ATM: variants seen among roughly 807,000 people sequenced by gnomAD.
ATM encodes ATM serine/threonine kinase, also known as serine-protein kinase ATM.
In ATM, 308 loss-of-function variants were observed where a neutral mutation model predicts 387.0. That is an observed-to-expected ratio of 0.80 (90% confidence interval 0.73 to 0.87). The LOEUF (loss-of-function observed/expected upper bound fraction) is 0.87. Among genes scored for constraint, ATM ranks in the 40% least tolerant of loss-of-function variants. The pLI, the probability that ATM is intolerant of heterozygous loss-of-function variation, is 0.00. For synonymous variants in ATM, 1,156 were observed against 1,187.3 expected (o/e 0.97, Z 0.54); for missense variants, 3,312 against 3,560.9 (o/e 0.93, Z 1.78).
intron 25 of ATM, among the ~76,000 whole-genome samples, chr11:108,283,482 T>C (rs955983866): frequency 1.3e-5 from 2 of 152,258 alleles, no homozygotes; most frequent in African/African-American, 4.8e-5. Context: ...TTATGGACTT[T>C]GCTATGCATT....
intron 59 of ATM, among the ~76,000 whole-genome samples, chr11:108,347,959 ATT>A (rs2137106867): frequency 6.6e-6 from 1 of 152,342 alleles, no homozygotes; most frequent in East Asian, 1.9e-4. Context: ...AATGATGAAG[ATT>A]TATACTAAAG....
At chr11:108,351,093 A>C (rs1479696065) in intron 59 of ATM, among the ~76,000 whole-genome samples, 1 of 152,266 alleles carries the variant, frequency 6.6e-6, no homozygotes, top group Non-Finnish European at 1.5e-5. Context: ...ATGAATAATA[A>C]CACACAATAT....
chr11:108,324,663 C>CT (rs2085478059), intron 45 of ATM, among the ~76,000 whole-genome samples: 1 of 152,176 alleles, frequency 6.6e-6, no homozygotes, highest in African/African-American at 2.4e-5. Context: ...ACTTTGTCAT[C>CT]TTACTCTCCC....
chr11:108,261,280 G>C (rs903450129), intron 16 of ATM, among the ~76,000 whole-genome samples: 2 of 152,200 alleles, frequency 1.3e-5, no homozygotes, highest in Non-Finnish European at 2.9e-5. Context: ...CACACAGCTG[G>C]AGATCTGAGA....
At position 108,332,805 on chromosome 11, in the gene ATM, G is replaced by T. The variant is rs2086410630; in HGVS notation, c.7832G>T (p.Ser2611Ile). ...AANRIICTIRSRRPQMVRSVE... is the reference protein window; with the variant it reads ...AANRIICTIRIRRPQMVRSVE... ...AATAGAATAATATGTACTATCAGAAGTAGGAGACCTCAGATGGTCAGAAGT... is the reference window on the plus strand; with the variant it reads ...AATAGAATAATATGTACTATCAGAATTAGGAGACCTCAGATGGTCAGAAGT... Residue 2611 changes from serine to isoleucine, a missense_variant, in exon 53 of 63, where the codon AGT becomes ATT. Coordinates refer to ENST00000675843, the MANE Select transcript of ATM (RefSeq NM_000051.4). 2.5e-6 allele frequency: 4 copies of T among 1,613,316 alleles called. No homozygotes were observed. In the South Asian group the frequency reaches 3.3e-5, roughly 13 times the overall value.
chr11:108,289,906 G>C (rs1038237270), intron 29 of ATM, 105 bp downstream of exon 29: 2 of 1,142,374 alleles, frequency 1.8e-6, no homozygotes, highest in Non-Finnish European at 2.5e-6. Flanking sequence ...CACTCTGTCC[G>C]CCCAGGCTGG....
At chr11:108,250,669 G>A (rs2135314030) in intron 9 of ATM, 32 bp from the exon 10 acceptor site, 1 of 1,567,916 alleles carries the variant, frequency 6.4e-7, no homozygotes, top group Non-Finnish European at 8.6e-7. Context: ...TGATGGAATA[G>A]TTTTCAAATT....
In ATM at chr11:108,269,924, A is replaced by G. The variant is rs4987976; in HGVS notation, c.2839-1140A>G. Among the ~76,000 whole-genome samples the G allele has an allele frequency of 8.7e-3, 1,325 of 152,356 alleles. 22 individuals are homozygous for G. The highest frequency in any genetic ancestry group is 0.03 in the African/African-American group (1,250 of 41,572). ...CTATCCCTGACCAAGAGGAAGTTACATGCTTTTCTTGAAGTATTGATGTTT... is the reference window on the plus strand; with the variant it reads ...CTATCCCTGACCAAGAGGAAGTTACGTGCTTTTCTTGAAGTATTGATGTTT... On this transcript the variant is annotated intron_variant, in intron 18 of 62. Transcript: ENST00000675843.
At position 108,365,594 on chromosome 11, in the gene ATM, A is replaced by C; in HGVS notation, c.*86A>C. 6.9e-7 allele frequency: 1 copy of C among 1,456,356 alleles called. No homozygotes were observed. The allele number at this position is 1,456,356 out of a possible 1,614,324, so 90.2% of individuals were successfully genotyped here. On this transcript the variant is annotated 3_prime_UTR_variant, in exon 63 of 63. Coordinates refer to ENST00000675843, the MANE Select transcript of ATM (RefSeq NM_000051.4). ...TTTAACCTGCCAACATACTTTAAGT[A>C]GGGATTAATATTTAAGTGAACTATT... is the stretch of plus-strand genomic sequence containing the variant.
intron 61 of ATM, among the ~76,000 whole-genome samples, chr11:108,362,966 AAAAC>A (rs922186826): frequency 3.9e-5 from 6 of 152,118 alleles, no homozygotes; most frequent in East Asian, 3.9e-4. Flanking sequence ...AAAAACTAAA[AAAAC>A]AAACAACAAA....
chr11:108,353,307 C>T (rs1294508524), intron 59 of ATM, among the ~76,000 whole-genome samples: 1 of 152,078 alleles, frequency 6.6e-6, no homozygotes, highest in East Asian at 1.9e-4. Context: ...TGCTACCACA[C>T]CCAGCTAATT....
chr11:108,275,284 A>G (rs2081877728), intron 22 of ATM, among the ~76,000 whole-genome samples: 1 of 152,182 alleles, frequency 6.6e-6, no homozygotes, highest in Non-Finnish European at 1.5e-5. Flanking sequence ...CCCTGAATAC[A>G]GCACACTGAT....
chr11:108,335,405 T>C lies in ATM; in HGVS notation c.8151+296T>C, dbSNP rs1310158251. 5.4e-6 allele frequency: 4 copies of C among 739,238 alleles called. No homozygotes were observed. The Admixed American group carries it at 9.6e-5, about 18-fold the overall frequency. The allele number at this position is 739,238 out of a possible 1,614,324, so 45.8% of individuals were successfully genotyped here. A position where few individuals can be genotyped will look rare whatever the true frequency, so the allele number is the denominator to read the frequency against. Reference sequence around the variant, plus strand: ...GAAAAAAAATACTTTGGTGTCTGTCTCTTATTTCCTTGAATAGTGCAAGTT... The same window carrying C: ...GAAAAAAAATACTTTGGTGTCTGTCCCTTATTTCCTTGAATAGTGCAAGTT... On this transcript the variant is annotated intron_variant, in intron 55 of 62. Coordinates refer to ENST00000675843, the MANE Select transcript of ATM (RefSeq NM_000051.4).
intron 61 of ATM, among the ~76,000 whole-genome samples, chr11:108,363,342 TTTC>T (rs1207068325): frequency 2.0e-5 from 3 of 152,206 alleles, no homozygotes; most frequent in Admixed American, 1.3e-4. Flanking sequence ...GTATTTCCCT[TTTC>T]TTTTCAGTGT....
At position 108,304,762 on chromosome 11, in the gene ATM, C is replaced by T. The variant is rs149362482; in HGVS notation, c.5584C>T (p.Leu1862Phe). The change falls in exon 37 of 63, where the codon CTT becomes TTT. Residue 1862 changes from leucine to phenylalanine, a missense_variant. Around this residue, in one of 4 missense-constraint regions of ATM, gnomAD observed 1,405 missense variants for 1,604.4 expected, o/e 0.88. Transcript: ENST00000675843. ...TACAAATGAATCATGGAGAAATCTG[C>T]TTTCTACACATGTTCAGGGATTTTT... is the stretch of plus-strand genomic sequence containing the variant. ...QDTNESWRNLLSTHVQGFFTS... is the reference protein window; with the variant it reads ...QDTNESWRNLFSTHVQGFFTS... 1 of 1,613,988 alleles carries T rather than the reference C, an allele frequency of 6.2e-7. No homozygotes were observed. The highest frequency in any genetic ancestry group is 8.5e-7 in the Non-Finnish European group (1 of 1,179,962).
At chr11:108,313,092 A>C (rs1001631425) in intron 40 of ATM, among the ~76,000 whole-genome samples, 33 of 152,196 alleles carry the variant, frequency 2.2e-4, no homozygotes, top group African/African-American at 7.7e-4. Context: ...ACTCTCAAAC[A>C]TTGAAATCTC....
At chr11:108,248,614 C>T (rs199619610) in intron 8 of ATM, among the ~76,000 whole-genome samples, 1 of 152,052 alleles carries the variant, frequency 6.6e-6, no homozygotes, top group East Asian at 1.9e-4. Context: ...TTTGGCCAGG[C>T]GTGGTGGCTC....
At chr11:108,288,909 G>A (rs537836946) in intron 27 of ATM, 68 bp from the exon 28 acceptor site, 24 of 1,565,518 alleles carry the variant, frequency 1.5e-5, no homozygotes, top group Middle Eastern at 1.7e-4. Context: ...TTTCATTTTG[G>A]AAGTTCACTG....
rs730881276 is a variant in ATM, at chr11:108,331,872, C to T, written c.7630-7C>T. ...TTTGCATAAATCTAATAGTTCTTTT[C>T]TTACAGCTAATCTCTAGAATTTCAA... On this transcript the variant is annotated splice_region_variant and splice_polypyrimidine_tract_variant and intron_variant, in intron 51 of 62. Coordinates refer to ENST00000675843, the MANE Select transcript of ATM (RefSeq NM_000051.4). 1.9e-6 allele frequency: 3 copies of T among 1,612,904 alleles called. No homozygotes were observed. Among genetic ancestry groups the T allele is most frequent in the African/African-American group, 1.3e-5 (1 of 74,974 alleles).
Sources: allele counts gnomAD v4.1 joint callset (sites outside exome capture counted in the v4.1 genomes callset), GRCh38; gene constraint gnomAD v4.1.1; regional missense constraint gnomAD v4.1.1; transcripts MANE v1.5; gene names NCBI Gene and HGNC (gene_info 2026-07-23, HGNC 2026-07-21).